Variants in SEC16A observed in about 807,000 individuals in gnomAD.
The protein encoded by SEC16A is protein transport protein Sec16A.
A neutral mutation model predicts 221.9 loss-of-function variants in SEC16A; 110 were observed. That is an observed-to-expected ratio of 0.50 (90% CI 0.42 to 0.58). The LOEUF (loss-of-function observed/expected upper bound fraction) is 0.58, where lower values mean the gene tolerates loss of function less well. Among genes scored for constraint, SEC16A ranks in the 20% least tolerant of loss-of-function variants. SEC16A has a pLI of 0.00. For missense variants in SEC16A, 3,165 were observed against 3,097.8 expected, an observed-to-expected ratio of 1.02 and a Z score of -0.52; for synonymous variants, 1,393 against 1,257.7, an observed-to-expected ratio of 1.11 and a Z score of -2.28.
Position 136,474,268 on chromosome 9 carries a change from A to C in SEC16A, c.3348T>G (p.Pro1116=), listed in dbSNP as rs2132841821. Residue 1116 remains proline (P), a synonymous_variant, in exon 3 of 32, where the codon CCT becomes CCG. Transcript: ENST00000684901. ...VDAGQQLPPR[P]PQSSSVSLVS... ...CCAGAGACACGCTAGAGGACTGAGG[A>C]GGCCGAGGGGGCAGCTGCTGACCCG... 3.7e-6 allele frequency: 6 copies of C among 1,607,784 alleles called. No individual in the cohort carries two copies. Among genetic ancestry groups the C allele is most frequent in the Non-Finnish European group, 4.2e-6 (5 of 1,177,370 alleles).
intron 9 of SEC16A, 59 bp downstream of exon 9, chr9:136,464,361 A>C: frequency 1.3e-6 from 2 of 1,506,878 alleles, no homozygotes; most frequent in East Asian, 2.3e-5. Flanking sequence ...CAAACTGCAA[A>C]GCAGAGAGTT....
Position 136,463,137 on chromosome 9 carries a change from T to A in SEC16A, c.4648-5A>T. 2 of 1,608,254 alleles carry A rather than the reference T, an allele frequency of 1.2e-6. No homozygotes were observed. The highest frequency in any genetic ancestry group is 1.7e-5 in the Admixed American group (1 of 60,016). On this transcript the variant is annotated splice_polypyrimidine_tract_variant and splice_region_variant and intron_variant, in intron 11 of 31. Transcript: ENST00000684901. Reference sequence around the variant, plus strand: ...AATGTCGGTCCCTACCACGGTCTGTTTGGGTCAACAGGAACAGGAAGGAGA... The same window carrying A: ...AATGTCGGTCCCTACCACGGTCTGTATGGGTCAACAGGAACAGGAAGGAGA...
chr9:136,467,254 G>A (rs560565380), intron 5 of SEC16A, among the ~76,000 whole-genome samples, 171 bp from the exon 6 acceptor site: 6 of 152,312 alleles, frequency 3.9e-5, no homozygotes, highest in Admixed American at 1.3e-4. Context: ...GATCTGGAGG[G>A]CCCTAGCTAC....
intron 23 of SEC16A, among the ~76,000 whole-genome samples, chr9:136,449,025 G>A (rs991271237): frequency 4.6e-5 from 7 of 152,208 alleles, no homozygotes; most frequent in African/African-American, 1.4e-4. Flanking sequence ...ATTTTGTTCT[G>A]TGTATTTTAC....
chr9:136,483,220 G>GCCCCGCCCCC (rs1842645041), upstream of SEC16A, among the ~76,000 whole-genome samples: 2 of 74,276 alleles, frequency 2.7e-5, no homozygotes, highest in South Asian at 9.2e-4. Context: ...TCATCCCTCT[G>GCCCCGCCCCC]TCCCGCCCCC....
At chr9:136,451,985 A>G (rs1837877032) in intron 22 of SEC16A, among the ~76,000 whole-genome samples, 1 of 152,172 alleles carries the variant, frequency 6.6e-6, no homozygotes, top group African/African-American at 2.4e-5. Flanking sequence ...AAAAGCAACC[A>G]TCCCTCCTGG....
At position 136,474,898 on chromosome 9, in the gene SEC16A, A is replaced by G; in HGVS notation, c.2718T>C (p.Asn906=). The G allele has an allele frequency of 6.2e-7, 1 of 1,613,816 alleles. No homozygotes were observed. The highest frequency in any genetic ancestry group is 8.5e-7 in the Non-Finnish European group (1 of 1,179,886). ...LSLPSSVAQS[N]FPQGSGASEM... is the part of the protein sequence containing the mutation. Reference sequence around the variant, plus strand: ...CGGAAGCACCAGAACCTTGTGGAAAATTACTTTGGGCAACACTGCTAGGCA... The same window carrying G: ...CGGAAGCACCAGAACCTTGTGGAAAGTTACTTTGGGCAACACTGCTAGGCA... Residue 906 remains asparagine (N), a synonymous_variant, in exon 3 of 32, where the codon AAT becomes AAC. Coordinates refer to ENST00000684901, the MANE Select transcript of SEC16A (RefSeq NM_014866.2).
chr9:136,458,131 T>TC (rs2132240360), intron 17 of SEC16A, among the ~76,000 whole-genome samples: 1 of 86,020 alleles, frequency 1.2e-5, no homozygotes, highest in East Asian at 2.3e-4. Context: ...AATTTTTGTA[T>TC]TTTTTTTTTT....
rs370457663 is a variant in SEC16A, at chr9:136,447,457, G to A, written c.6560-93C>T. 1.2e-5 allele frequency: 19 copies of A among 1,562,622 alleles called. 1 individual carries two copies. Among genetic ancestry groups the A allele is most frequent in the Middle Eastern group, 1.7e-4 (1 of 5,994 alleles). On this transcript the variant is annotated intron_variant, in intron 26 of 31. Transcript: ENST00000684901. This position sits in a 1 kb window ranked among gnomAD's most constrained non-coding sequence, Gnocchi z 5.5. The stretch of plus-strand genomic sequence containing the variant: ...GCTCACTGCGTCAGAGGAAAAGCAC[G>A]CAGGGACGTGCGGGAAGCCACCTCC...
At chr9:136,483,469 C>T, upstream of SEC16A, 2 of 952,856 alleles carry the variant, frequency 2.1e-6, no homozygotes, top group Non-Finnish European at 2.5e-6. Flanking sequence ...CCTTCCCCGC[C>T]CGTGGCCCCG....
rs561338075 is a variant in SEC16A at position 136,467,607 on chromosome 9, T to A, written c.3803-524A>T. Among the ~76,000 whole-genome samples the A allele has an allele frequency of 6.6e-5, 10 of 152,346 alleles. No individual in the cohort carries two copies. In the South Asian group the frequency reaches 2.1e-3, roughly 32 times the overall value. ...ATGTGACTCATAAGGTTTTCAAAAA[T>A]AATCTCAATATTAAAAGGTTACTTT... On this transcript the variant is annotated intron_variant, in intron 5 of 31. Transcript: ENST00000684901.
At chr9:136,483,579 T>A, upstream of SEC16A, 1 of 985,252 alleles carries the variant, frequency 1.0e-6, no homozygotes, top group Non-Finnish European at 1.2e-6. Context: ...TCGCCCTGTT[T>A]ACGCTGGCTC....
rs555606952 is a variant in SEC16A, at chr9:136,464,400, G to A, written c.4446+20C>T. 53 of 1,585,298 alleles carry A rather than the reference G, an allele frequency of 3.3e-5. No homozygotes were observed. Among genetic ancestry groups the A allele is most frequent in the East Asian group, 1.8e-4 (8 of 44,244 alleles). On this transcript the variant is annotated intron_variant, in intron 9 of 31. Transcript: ENST00000684901. ...CAGGGCAGCAGAGCAGTGACGCCAC[G>A]CTTCTGCGTGTGCCATTACCTCCAT...
rs754274293 is a variant in SEC16A at position 136,457,507 on chromosome 9, G to A, written c.5487C>T (p.Ile1829=). 6.2e-6 allele frequency: 10 copies of A among 1,609,752 alleles called. No individual in the cohort carries two copies. Among genetic ancestry groups the A allele is most frequent in the Admixed American group, 3.4e-5 (2 of 59,546 alleles). The change falls in exon 18 of 32, where the codon ATC becomes ATT. Residue 1829 remains isoleucine, a synonymous_variant. Coordinates refer to ENST00000684901, the MANE Select transcript of SEC16A (RefSeq NM_014866.2). The part of the protein sequence containing the change: ...ATQAFHYCEA[I]AKSILTQPHL... ...GCGGCTGCGTCAGGATGCTCTTCGCGATGGCCTCACAGTAGTGGAAGGCTT... is the reference window on the plus strand; with the variant it reads ...GCGGCTGCGTCAGGATGCTCTTCGCAATGGCCTCACAGTAGTGGAAGGCTT...
chr9:136,460,716 C>T (rs991035278), intron 13 of SEC16A, among the ~76,000 whole-genome samples: 6 of 151,872 alleles, frequency 4.0e-5, no homozygotes, highest in Non-Finnish European at 8.8e-5. Context: ...GTTTTGAGAC[C>T]GGCCTGGCCA....
rs889192154 is a variant in SEC16A at position 136,447,177 on chromosome 9, G to C, written c.6697+50C>G. 6.4e-7 allele frequency: 1 copy of C among 1,564,388 alleles called. No individual in the cohort carries two copies. The highest frequency in any genetic ancestry group is 2.4e-5 in the East Asian group (1 of 42,446). On this transcript the variant is annotated intron_variant, in intron 27 of 31. Transcript: ENST00000684901. The surrounding 1 kb of genome is among the most constrained non-coding windows in gnomAD (Gnocchi z 5.5). ...GAGACTCATAGAAAGAGGATCAAAG[G>C]TCAGGAGACTGGGGGCTGACCTGGA...
chr9:136,457,620 C>A, intron 17 of SEC16A, 36 bp from the exon 18 acceptor site: 1 of 1,591,082 alleles, frequency 6.3e-7, no homozygotes, highest in East Asian at 2.3e-5. Flanking sequence ...CTGCGGCTCC[C>A]CCGCGTCCGA....
Position 136,463,492 on chromosome 9 carries a change from A to G in SEC16A, c.4618T>C (p.Phe1540Leu). The G allele has an allele frequency of 1.2e-6, 2 of 1,613,882 alleles. No homozygotes were observed. Among genetic ancestry groups the G allele is most frequent in the Non-Finnish European group, 1.7e-6 (2 of 1,179,844 alleles). ...TTTTGTCTGCATAAGAGAACAATAA[A>G]ATTCCAAAGAAGACTTGCAGACTCT... Reference protein sequence around the residue: ...DKESASLLWNFIVLLCRQNGT... With the variant: ...DKESASLLWNLIVLLCRQNGT... Residue 1540 changes from phenylalanine (F) to leucine (L), a missense_variant, in exon 11 of 32, where the codon TTT (phenylalanine) becomes CTT (leucine). Physicochemically the swap from Phe to Leu is conservative, Grantham distance 22. Coordinates refer to ENST00000684901, the MANE Select transcript of SEC16A (RefSeq NM_014866.2).
chr9:136,476,373 G>C lies in SEC16A; in HGVS notation c.1243C>G (p.Pro415Ala), dbSNP rs1467671161. The C allele has an allele frequency of 6.2e-7, 1 of 1,612,826 alleles. No homozygotes were observed. Residue 415 changes from proline (P) to alanine (A), a missense_variant, in exon 3 of 32, where the codon CCT (proline) becomes GCT (alanine). This residue lies in a region of SEC16A where 2,030 missense variants were observed against 1,923.1 expected (regional missense o/e 1.06). Coordinates refer to ENST00000684901, the MANE Select transcript of SEC16A (RefSeq NM_014866.2). ...SSPGLGRPPAPTHVGAGSLCQ... is the reference protein window; with the variant it reads ...SSPGLGRPPAATHVGAGSLCQ... ...AGGCTGCCTGCCCCCACGTGTGTAG[G>C]TGCGGGCGGACGGCCTAGCCCAGGG... is the stretch of plus-strand genomic sequence containing the variant.
Sources: allele counts gnomAD v4.1 joint callset (sites outside exome capture counted in the v4.1 genomes callset), GRCh38; gene constraint gnomAD v4.1.1; regional missense constraint gnomAD v4.1.1; non-coding constraint Gnocchi (gnomAD v3.1); transcripts MANE v1.5; gene names NCBI Gene and HGNC (gene_info 2026-07-23, HGNC 2026-07-21).